TMEM266: variants seen among roughly 807,000 people sequenced by gnomAD.
TMEM266 encodes the protein transmembrane protein 266, also known as Hv1 related protein 1.
In TMEM266, 33 loss-of-function variants were observed where a neutral mutation model predicts 50.5. That is an observed-to-expected ratio of 0.65 (90% CI 0.50 to 0.87). The LOEUF is 0.87. Among genes scored for constraint, TMEM266 ranks in the 40% least tolerant of loss-of-function variants. The probability of loss-of-function intolerance (pLI) is 0.00; values close to 1 mark genes in which losing one functional copy is unlikely to be tolerated. For missense variants in TMEM266, 655 were observed against 695.1 expected (o/e 0.94, Z 0.65); for synonymous variants, 310 against 292.3 (o/e 1.06, Z -0.62).
chr15:76,181,744 T>TG (rs767020945), intron 8 of TMEM266, among the ~76,000 whole-genome samples: 2 of 152,130 alleles, frequency 1.3e-5, no homozygotes, highest in Non-Finnish European at 2.9e-5. Context: ...CCATTTTAGA[T>TG]GCAGCAGTTA....
chr15:76,162,537 G>A (rs2038034704), intron 5 of TMEM266, among the ~76,000 whole-genome samples: 1 of 152,218 alleles, frequency 6.6e-6, no homozygotes, highest in Non-Finnish European at 1.5e-5. Flanking sequence ...GTCCGTCAGT[G>A]GTGGGTCAGC....
At chr15:76,195,299 A>G (rs1399594934) in intron 9 of TMEM266, among the ~76,000 whole-genome samples, 1 of 152,146 alleles carries the variant, frequency 6.6e-6, no homozygotes, top group African/African-American at 2.4e-5. Flanking sequence ...GTTGCATTGA[A>G]TGTAATCTTC....
chr15:76,073,970 CAT>C (rs921801944), intron 1 of TMEM266, among the ~76,000 whole-genome samples: 10 of 151,268 alleles, frequency 6.6e-5, no homozygotes, highest in Admixed American at 2.6e-4. Context: ...GTTTGTGACA[CAT>C]GTTTTATTTT....
rs562863820 is a variant in TMEM266, at chr15:76,153,510, G to C, written c.228-3094G>C. On this transcript the variant is annotated intron_variant, in intron 3 of 10. Coordinates refer to ENST00000388942, the MANE Select transcript of TMEM266 (RefSeq NM_152335.3). The surrounding 1 kb of genome is among the most constrained non-coding windows in gnomAD (Gnocchi z 4.2). ...ACAATGACATGCCATCAGTTTTAGGGGCCGCAGACAACGGTAATGGGCATT... is the reference window on the plus strand; with the variant it reads ...ACAATGACATGCCATCAGTTTTAGGCGCCGCAGACAACGGTAATGGGCATT... Among the ~76,000 whole-genome samples, 3 of 152,212 alleles carry C rather than the reference G, an allele frequency of 2.0e-5. No individual in the cohort carries two copies. Among genetic ancestry groups the C allele is most frequent in the Non-Finnish European group, 4.4e-5 (3 of 68,038 alleles).
At position 76,168,855 on chromosome 15, in the gene TMEM266, A is replaced by G. The variant is rs1475430111; in HGVS notation, c.457-961A>G. Among the ~76,000 whole-genome samples the G allele has an allele frequency of 6.6e-6, 1 of 152,172 alleles. No individual in the cohort carries two copies. Among genetic ancestry groups the G allele is most frequent in the Non-Finnish European group, 1.5e-5 (1 of 68,006 alleles). ...GAAGGAGGCACCAGCTGAGCCGGGGAGTGTGCAAGAGCTTCATGGAGGTGA... is the reference window on the plus strand; with the variant it reads ...GAAGGAGGCACCAGCTGAGCCGGGGGGTGTGCAAGAGCTTCATGGAGGTGA... On this transcript the variant is annotated intron_variant, in intron 5 of 10. Transcript: ENST00000388942. The surrounding 1 kb of genome is among the most constrained non-coding windows in gnomAD (Gnocchi z 4.4).
chr15:76,154,950 C>T (rs1415592463), intron 3 of TMEM266, among the ~76,000 whole-genome samples: 2 of 152,244 alleles, frequency 1.3e-5, no homozygotes, highest in African/African-American at 4.8e-5. Context: ...CCTCAGGGCA[C>T]AGCCCCCTTC....
intron 1 of TMEM266, among the ~76,000 whole-genome samples, chr15:76,105,868 T>C (rs138349918): frequency 6.6e-6 from 1 of 152,204 alleles, no homozygotes; most frequent in South Asian, 2.1e-4. Context: ...TTCCCTCCTA[T>C]ATACAGGTTC....
intron 1 of TMEM266, among the ~76,000 whole-genome samples, chr15:76,061,818 C>T (rs908798676): frequency 6.6e-6 from 1 of 152,198 alleles, no homozygotes; most frequent in Admixed American, 6.5e-5. Context: ...TCCCACCCTA[C>T]CCTCCTTGCT....
intron 1 of TMEM266, chr15:76,113,403 C>A (rs979874873): frequency 6.6e-6 from 1 of 152,308 alleles, no homozygotes; most frequent in Non-Finnish European, 1.5e-5. Context: ...TGTGTGTGCA[C>A]ATGCACTAGG....
chr15:76,125,203 T>C (rs1444375610), intron 1 of TMEM266, among the ~76,000 whole-genome samples: 1 of 151,966 alleles, frequency 6.6e-6, no homozygotes, highest in Non-Finnish European at 1.5e-5. Flanking sequence ...GGAAAACATA[T>C]GGTGAAAGCT....
At chr15:76,203,665 C>A in intron 10 of TMEM266, 76 bp from the exon 11 acceptor site, 1 of 1,430,122 alleles carries the variant, frequency 7.0e-7, no homozygotes, top group Non-Finnish European at 9.7e-7. Context: ...CACCGCCCGG[C>A]TCAGACCTGC....
intron 1 of TMEM266, among the ~76,000 whole-genome samples, chr15:76,068,366 G>A (rs2036473150): frequency 6.6e-6 from 1 of 152,186 alleles, no homozygotes; most frequent in Non-Finnish European, 1.5e-5. Context: ...AGGAGGCAAG[G>A]TAGAATTACT....
chr15:76,126,359 A>C (rs2037422616), intron 1 of TMEM266, among the ~76,000 whole-genome samples: 1 of 132,042 alleles, frequency 7.6e-6, no homozygotes, highest in South Asian at 2.6e-4. Flanking sequence ...GTACACACAC[A>C]CACACACCCA....
chr15:76,105,429 C>T (rs2037066063), intron 1 of TMEM266, among the ~76,000 whole-genome samples: 1 of 152,142 alleles, frequency 6.6e-6, no homozygotes, highest in Non-Finnish European at 1.5e-5. Context: ...CTAATCGTGT[C>T]ACTTTGTCAT....
intron 5 of TMEM266, among the ~76,000 whole-genome samples, chr15:76,163,086 A>G (rs895095745): frequency 3.9e-5 from 6 of 152,164 alleles, no homozygotes; most frequent in African/African-American, 1.4e-4. Context: ...ACATTTTATG[A>G]GTTGTGAAAC....
At chr15:76,158,511 G>C (rs551793319) in intron 4 of TMEM266, among the ~76,000 whole-genome samples, 82 of 152,232 alleles carry the variant, frequency 5.4e-4, no homozygotes, top group African/African-American at 1.9e-3. Flanking sequence ...AGGTATTGAG[G>C]AGAACTGAGA....
intron 8 of TMEM266, among the ~76,000 whole-genome samples, chr15:76,187,209 C>T (rs2038501106): frequency 6.6e-6 from 1 of 152,248 alleles, no homozygotes; most frequent in Non-Finnish European, 1.5e-5. Context: ...CTGAAACTTG[C>T]TTCTGTGTAT....
At chr15:76,155,370 G>T (rs1360897273) in intron 3 of TMEM266, among the ~76,000 whole-genome samples, 1 of 152,182 alleles carries the variant, frequency 6.6e-6, no homozygotes, top group Non-Finnish European at 1.5e-5. Context: ...CTCCTGAGAG[G>T]AGGGTGTCTA....
chr15:76,198,994 G>T (rs1049923708), intron 9 of TMEM266, among the ~76,000 whole-genome samples: 56 of 93,604 alleles, frequency 6.0e-4, no homozygotes, highest in Non-Finnish European at 9.9e-5. Flanking sequence ...TAGGGACCTC[G>T]GCTCTGTGTC....
Sources: allele counts gnomAD v4.1 joint callset (sites outside exome capture counted in the v4.1 genomes callset), GRCh38; gene constraint gnomAD v4.1.1; non-coding constraint Gnocchi (gnomAD v3.1); transcripts MANE v1.5; gene names NCBI Gene and HGNC (gene_info 2026-07-23, HGNC 2026-07-21).